TRAPPC3L: variants seen among roughly 807,000 people sequenced by gnomAD.
The protein encoded by TRAPPC3L is trafficking protein particle complex subunit 3L.
Under a neutral mutation model 23.7 loss-of-function variants are expected in TRAPPC3L, and 23 were observed. That is an observed-to-expected ratio of 0.97 (90% CI 0.70 to 1.37). The LOEUF (loss-of-function observed/expected upper bound fraction) is 1.37, where lower values mean the gene tolerates loss of function less well. Ranked by LOEUF, TRAPPC3L falls within the 40% of genes most tolerant of loss-of-function variation. The pLI, the probability that TRAPPC3L is intolerant of heterozygous loss-of-function variation, is 0.00. For missense variants in TRAPPC3L, 212 were observed against 216.8 expected, an observed-to-expected ratio of 0.98 and a Z score of 0.14; for synonymous variants, 81 against 77.9, an observed-to-expected ratio of 1.04 and a Z score of -0.21.
In TRAPPC3L at chr6:116,543,632, A is replaced by C. The variant is rs1026966187; in HGVS notation, c.43-232T>G. The C allele has an allele frequency of 2.4e-5, 16 of 658,994 alleles. No individual in the cohort carries two copies. The African/African-American group carries it at 2.6e-4, about 11-fold the overall frequency. 40.8% of individuals were successfully genotyped at this position (658,994 alleles called of 1,614,324 possible). Reference sequence around the variant, plus strand: ...TGTTAAATAAAATGAATTTCGTAACATGATAACATCTTTCTATGCATTTGC... The same window carrying C: ...TGTTAAATAAAATGAATTTCGTAACCTGATAACATCTTTCTATGCATTTGC... On this transcript the variant is annotated intron_variant, in intron 1 of 4. Transcript: ENST00000368602.
At chr6:116,529,422 G>GTCTAAT (rs1163112783) in intron 3 of TRAPPC3L, among the ~76,000 whole-genome samples, 8 of 152,204 alleles carry the variant, frequency 5.3e-5, no homozygotes, top group African/African-American at 1.9e-4. Context: ...TCTAATGGAA[G>GTCTAAT]GGAAATATGG....
At chr6:116,497,988 G>A (rs183070504) in intron 4 of TRAPPC3L, among the ~76,000 whole-genome samples, 127 of 152,258 alleles carry the variant, frequency 8.3e-4, no homozygotes, top group African/African-American at 3.0e-3. Context: ...CTCATACTGG[G>A]CCCGGCCTTG....
chr6:116,518,549 A>G (rs1008709072), intron 3 of TRAPPC3L: 4 of 152,232 alleles, frequency 2.6e-5, no homozygotes, highest in Non-Finnish European at 5.9e-5. Flanking sequence ...AAAATTCAGC[A>G]AAGAGTTCTC....
intron 3 of TRAPPC3L, among the ~76,000 whole-genome samples, chr6:116,528,814 T>G (rs1464199584): frequency 6.6e-6 from 1 of 152,226 alleles, no homozygotes; most frequent in East Asian, 1.9e-4. Flanking sequence ...TAATATAGTA[T>G]GTTGAAAAGA....
In TRAPPC3L at chr6:116,522,982, T is replaced by C. The variant is rs1049557973; in HGVS notation, c.240+17381A>G. 4.0e-5 allele frequency: 6 copies of C among 151,518 alleles called. 1 individual carries two copies. Among genetic ancestry groups the C allele is most frequent in the African/African-American group, 1.5e-4 (6 of 41,166 alleles). The allele number at this position is 151,518 out of a possible 1,614,324, so 9.4% of individuals were successfully genotyped here. On this transcript the variant is annotated intron_variant, in intron 3 of 4. Coordinates refer to ENST00000368602, the MANE Select transcript of TRAPPC3L (RefSeq NM_001139444.3). ...AAATCATCTGGAGGGCTTATTAAAA[T>C]GTGGATTGCTGAACTCCACCCCCAG...
intron 3 of TRAPPC3L, among the ~76,000 whole-genome samples, chr6:116,510,715 T>C (rs942711162): frequency 1.3e-5 from 2 of 152,080 alleles, no homozygotes; most frequent in Non-Finnish European, 2.9e-5. Flanking sequence ...CCTGCACATG[T>C]ATATTTATTG....
rs1535284 is a variant in TRAPPC3L, at chr6:116,509,092, A to G, written c.241-8426T>C. Among the ~76,000 whole-genome samples, 122 of 15,484 alleles carry G rather than the reference A, an allele frequency of 7.9e-3. 2 individuals carry two copies. Among genetic ancestry groups the G allele is most frequent in the East Asian group, 0.033 (4 of 122 alleles). The allele number at this position is 15,484 out of a possible 152,430, so 10.2% of individuals were successfully genotyped here. ...ACTCAATCCCTTTTATAAGAGTTGT[A>G]AAAAAAAAAAAAAAAAAAAACCCAC... On this transcript the variant is annotated intron_variant, in intron 3 of 4. Coordinates refer to ENST00000368602, the MANE Select transcript of TRAPPC3L (RefSeq NM_001139444.3).
At chr6:116,502,774 G>A (rs1771939116) in intron 3 of TRAPPC3L, among the ~76,000 whole-genome samples, 1 of 152,160 alleles carries the variant, frequency 6.6e-6, no homozygotes. Context: ...CCAGCCAAAT[G>A]AAGCTTCATA....
intron 3 of TRAPPC3L, among the ~76,000 whole-genome samples, chr6:116,537,338 G>A (rs1166321299): frequency 6.6e-6 from 1 of 152,116 alleles, no homozygotes; most frequent in African/African-American, 2.4e-5. Flanking sequence ...TTTCTAATAG[G>A]GGAGAATCAA....
intron 3 of TRAPPC3L, among the ~76,000 whole-genome samples, chr6:116,528,648 G>T (rs750457441): frequency 6.6e-6 from 1 of 151,644 alleles, no homozygotes; most frequent in Non-Finnish European, 1.5e-5. Flanking sequence ...ATTGATTTCC[G>T]CTCCCTTCTC....
intron 3 of TRAPPC3L, among the ~76,000 whole-genome samples, chr6:116,510,707 T>G (rs1386567474): frequency 2.6e-5 from 4 of 151,972 alleles, no homozygotes; most frequent in African/African-American, 9.7e-5. Context: ...AAAAAACACC[T>G]GCACATGTAT....
chr6:116,542,959 CT>C (rs1377928584), intron 2 of TRAPPC3L, among the ~76,000 whole-genome samples: 2 of 152,012 alleles, frequency 1.3e-5, no homozygotes, highest in African/African-American at 4.8e-5. Context: ...CAAAAGACTT[CT>C]GAAAAGAATA....
chr6:116,499,641 A>G lies in TRAPPC3L; in HGVS notation c.426+840T>C, dbSNP rs567442965. On this transcript the variant is annotated intron_variant, in intron 4 of 4. Transcript: ENST00000368602. ...AAGTTCTTTGTTCCTTGAGTGAAACACTCTTTTTGTACCTTTGGACATGCT... is the reference window on the plus strand; with the variant it reads ...AAGTTCTTTGTTCCTTGAGTGAAACGCTCTTTTTGTACCTTTGGACATGCT... Among the ~76,000 whole-genome samples, 3 of 152,028 alleles carry G rather than the reference A, an allele frequency of 2.0e-5. No homozygotes were observed. In the South Asian group the frequency reaches 6.2e-4, roughly 32 times the overall value.
At chr6:116,510,229 A>T (rs1344782282) in intron 3 of TRAPPC3L, among the ~76,000 whole-genome samples, 1 of 152,130 alleles carries the variant, frequency 6.6e-6, no homozygotes, top group Non-Finnish European at 1.5e-5. Flanking sequence ...TGCTGGTAGG[A>T]ATGTAAATTA....
At chr6:116,543,452 A>G (rs1313637193) in intron 1 of TRAPPC3L, 52 bp from the exon 2 acceptor site, 2 of 1,370,218 alleles carry the variant, frequency 1.5e-6, no homozygotes, top group African/African-American at 2.9e-5. Flanking sequence ...ACAGTATACT[A>G]CTGTATTTCT....
chr6:116,526,960 C>T (rs1403270092), intron 3 of TRAPPC3L, among the ~76,000 whole-genome samples: 1 of 152,166 alleles, frequency 6.6e-6, no homozygotes, highest in African/African-American at 2.4e-5. Context: ...GCAGCAGTCA[C>T]AAGATTGCTC....
At chr6:116,543,509 C>T in intron 1 of TRAPPC3L, 109 bp from the exon 2 acceptor site, 1 of 905,494 alleles carries the variant, frequency 1.1e-6, no homozygotes, top group African/African-American at 1.7e-5. Context: ...GTCACCTGTA[C>T]ATTTTTTCCT....
intron 3 of TRAPPC3L, among the ~76,000 whole-genome samples, chr6:116,531,638 A>G (rs1343643492): frequency 1.3e-5 from 2 of 152,146 alleles, no homozygotes; most frequent in African/African-American, 2.4e-5. Flanking sequence ...AAAGGAGTCT[A>G]CCTAACACAA....
rs191024768 is a variant in TRAPPC3L at position 116,500,744 on chromosome 6, C to G, written c.241-78G>C. 1.0e-5 allele frequency: 13 copies of G among 1,270,894 alleles called. No homozygotes were observed. The East Asian group carries it at 3.3e-4, about 32-fold the overall frequency. The allele number at this position is 1,270,894 out of a possible 1,614,324, so 78.7% of individuals were successfully genotyped here. A position where few individuals can be genotyped will look rare whatever the true frequency, so the allele number is the denominator to read the frequency against. On this transcript the variant is annotated intron_variant, in intron 3 of 4. Transcript: ENST00000368602. ...GAGCAGACTAAACAAATACCCAGTTCTAGGCATTGCAGCACAATGGTTAAG... is the reference window on the plus strand; with the variant it reads ...GAGCAGACTAAACAAATACCCAGTTGTAGGCATTGCAGCACAATGGTTAAG...
Sources: allele counts gnomAD v4.1 joint callset (sites outside exome capture counted in the v4.1 genomes callset), GRCh38; gene constraint gnomAD v4.1.1; transcripts MANE v1.5; gene names NCBI Gene and HGNC (gene_info 2026-07-23, HGNC 2026-07-21).